Variants in PSME3IP1 observed in about 807,000 individuals in gnomAD.
The protein encoded by PSME3IP1 is PSME3-interacting protein.
A neutral mutation model predicts 34.1 loss-of-function variants in PSME3IP1; 13 were observed. That is an observed-to-expected ratio of 0.38 (90% CI 0.25 to 0.61). The LOEUF is 0.61. PSME3IP1 is among the 20% of genes least tolerant of loss of function. The pLI, the probability that PSME3IP1 is intolerant of heterozygous loss-of-function variation, is 0.60. For missense variants in PSME3IP1, 237 were observed against 301.4 expected (o/e 0.79, Z 1.58); for synonymous variants, 93 against 114.3 (o/e 0.81, Z 1.19).
chr16:57,169,892 T>A (rs550245054), intron 4 of PSME3IP1, among the ~76,000 whole-genome samples: 1 of 150,890 alleles, frequency 6.6e-6, no homozygotes, highest in South Asian at 2.1e-4. Flanking sequence ...GAAGGGGGAG[T>A]TCAGAATAAT....
chr16:57,159,536 C>T (rs78881050), intron 6 of PSME3IP1, among the ~76,000 whole-genome samples: 5,619 of 152,244 alleles, frequency 0.037, 107 homozygotes, highest in Middle Eastern at 0.11. Context: ...GCCTGAATTT[C>T]TATCAGAGTC....
chr16:57,163,607 A>G (rs2071525436), intron 6 of PSME3IP1, among the ~76,000 whole-genome samples: 1 of 152,224 alleles, frequency 6.6e-6, no homozygotes, highest in Non-Finnish European at 1.5e-5. Context: ...TCAATCCAGT[A>G]CAACAATGAG....
chr16:57,159,069 A>G (rs1424457925), intron 6 of PSME3IP1, among the ~76,000 whole-genome samples: 1 of 152,260 alleles, frequency 6.6e-6, no homozygotes, highest in Non-Finnish European at 1.5e-5. Flanking sequence ...TGGAATTTAA[A>G]GTTCTATTTT....
Position 57,163,986 on chromosome 16 carries a change from A to G in PSME3IP1, c.547+15T>C, listed in dbSNP as rs1279486269. The G allele has an allele frequency of 6.2e-7, 1 of 1,613,610 alleles. No individual in the cohort carries two copies. The highest frequency in any genetic ancestry group is 1.7e-5 in the Admixed American group (1 of 60,020). ...GTATTCTGAGTACAAGGAAGTAATG[A>G]AGGCTGCCACCCACCTTGATTCTTG... On this transcript the variant is annotated intron_variant, in intron 6 of 6. Transcript: ENST00000309137.
intron 6 of PSME3IP1, among the ~76,000 whole-genome samples, chr16:57,159,433 T>G (rs1351112320): frequency 3.9e-5 from 6 of 152,222 alleles, no homozygotes; most frequent in African/African-American, 1.2e-4. Flanking sequence ...TTCTTAGTAT[T>G]CAGACAGATG....
chr16:57,155,731 A>AG (rs1234653050), intron 6 of PSME3IP1, among the ~76,000 whole-genome samples: 1 of 152,090 alleles, frequency 6.6e-6, no homozygotes, highest in African/African-American at 2.4e-5. Flanking sequence ...TGAATCCAGG[A>AG]GGAGGCAGTG....
intron 1 of PSME3IP1, among the ~76,000 whole-genome samples, chr16:57,176,361 A>G (rs2073171824): frequency 6.6e-6 from 1 of 152,166 alleles, no homozygotes; most frequent in African/African-American, 2.4e-5. Context: ...AGGGTGGGAT[A>G]GTCCTTATAG....
At chr16:57,159,650 A>G (rs969064422) in intron 6 of PSME3IP1, among the ~76,000 whole-genome samples, 24 of 152,180 alleles carry the variant, frequency 1.6e-4, no homozygotes, top group African/African-American at 5.3e-4. Flanking sequence ...AAAGGAGGAC[A>G]CTTCCTGCCT....
chr16:57,167,454 G>C (rs2072025322), intron 4 of PSME3IP1, among the ~76,000 whole-genome samples: 1 of 152,060 alleles, frequency 6.6e-6, no homozygotes, highest in Non-Finnish European at 1.5e-5. Flanking sequence ...CTTTTCCTCT[G>C]ATTCTCAATG....
At chr16:57,166,857 T>G (rs2071936887) in intron 5 of PSME3IP1, among the ~76,000 whole-genome samples, 1 of 152,222 alleles carries the variant, frequency 6.6e-6, no homozygotes, top group Non-Finnish European at 1.5e-5. Flanking sequence ...ATGCCTGGTG[T>G]GGCAGATCCC....
At chr16:57,166,185 A>AT (rs2071847334) in intron 5 of PSME3IP1, among the ~76,000 whole-genome samples, 1 of 152,244 alleles carries the variant, frequency 6.6e-6, no homozygotes, top group Non-Finnish European at 1.5e-5. Flanking sequence ...CCTTCAAAAC[A>AT]TATGGCTGGT....
intron 6 of PSME3IP1, among the ~76,000 whole-genome samples, chr16:57,159,193 T>C (rs1488778067): frequency 6.6e-6 from 1 of 152,216 alleles, no homozygotes; most frequent in African/African-American, 2.4e-5. Context: ...CACTGTGGTA[T>C]CAGAAGAGTT....
rs182416984 is a variant in PSME3IP1 at position 57,168,178 on chromosome 16, A to G, written c.349-952T>C. 2.6e-4 allele frequency among the ~76,000 whole-genome samples: 39 copies of G among 152,350 alleles called. No individual in the cohort carries two copies. In the East Asian group the frequency reaches 7.1e-3, roughly 28 times the overall value. ...TTAAGATGCACTAGTGCCTGGAACA[A>G]TAGTGACATCTAGTGCCCAGGAAAT... On this transcript the variant is annotated intron_variant, in intron 4 of 6. Coordinates refer to ENST00000309137, the MANE Select transcript of PSME3IP1 (RefSeq NM_024946.4).
intron 6 of PSME3IP1, among the ~76,000 whole-genome samples, chr16:57,160,918 G>A (rs1224949794): frequency 6.6e-6 from 1 of 152,124 alleles, no homozygotes; most frequent in Non-Finnish European, 1.5e-5. Context: ...AAACAGCATG[G>A]GGATGCAATC....
Position 57,152,734 on chromosome 16 carries a change from A to C in PSME3IP1, c.*1556T>G, listed in dbSNP as rs2070078396. ...GAAGGTGCCTACAAAGTTTTACCTAAATGTCTTGTTTGTCAGGATGGAGCT... is the reference window on the plus strand; with the variant it reads ...GAAGGTGCCTACAAAGTTTTACCTACATGTCTTGTTTGTCAGGATGGAGCT... On this transcript the variant is annotated 3_prime_UTR_variant, in exon 7 of 7. Transcript: ENST00000309137. 1 of 152,704 alleles carries C rather than the reference A, an allele frequency of 6.5e-6. No individual in the cohort carries two copies. 9.5% of individuals were successfully genotyped at this position (152,704 alleles called of 1,614,324 possible). A position where few individuals can be genotyped will look rare whatever the true frequency, so the allele number is the denominator to read the frequency against.
chr16:57,162,523 G>A (rs2071375664), intron 6 of PSME3IP1, among the ~76,000 whole-genome samples: 1 of 151,748 alleles, frequency 6.6e-6, no homozygotes, highest in Admixed American at 6.6e-5. Context: ...AAATTAGCTG[G>A]GCGTGGTGGC....
At chr16:57,157,330 AAAG>A (rs1555484037) in intron 6 of PSME3IP1, among the ~76,000 whole-genome samples, 161 of 149,084 alleles carry the variant, frequency 1.1e-3, no homozygotes, top group African/African-American at 2.7e-3. Context: ...AAAAAAAAAA[AAAG>A]AAGAAGAAGA....
At chr16:57,163,959 G>A in intron 6 of PSME3IP1, 42 bp downstream of exon 6, 1 of 1,562,982 alleles carries the variant, frequency 6.4e-7, no homozygotes, top group Non-Finnish European at 8.8e-7. Context: ...TGTGGTTCAT[G>A]TGTATTCTGA....
rs1275887906 is a variant in PSME3IP1 at position 57,185,979 on chromosome 16, T to C, written c.-174A>G. ...GAAAGAAAGAAAAAAAAAAAGAAAATAGCCTTTGCTTTTGTATTTCTTTTG... is the reference window on the plus strand; with the variant it reads ...GAAAGAAAGAAAAAAAAAAAGAAAACAGCCTTTGCTTTTGTATTTCTTTTG... On this transcript the variant is annotated 5_prime_UTR_variant, in exon 1 of 7. Coordinates refer to ENST00000309137, the MANE Select transcript of PSME3IP1 (RefSeq NM_024946.4). 5.1e-6 allele frequency: 5 copies of C among 983,504 alleles called. No homozygotes were observed. The African/African-American group carries it at 7.1e-5, about 14-fold the overall frequency. The allele number at this position is 983,504 out of a possible 1,614,324, so 60.9% of individuals were successfully genotyped here. A position where few individuals can be genotyped will look rare whatever the true frequency, so the allele number is the denominator to read the frequency against.
Sources: gnomAD v4.1 joint callset for allele counts (sites outside exome capture counted in the v4.1 genomes callset) on GRCh38, gnomAD v4.1.1 for gene constraint, MANE v1.5 for transcripts, NCBI Gene and HGNC (gene_info 2026-07-23, HGNC 2026-07-21) for gene names.